Variants in GPR135 observed in about 807,000 individuals in gnomAD.
GPR135 encodes G protein-coupled receptor 135, also known as G-protein coupled receptor 135.
Under a neutral mutation model 15.0 loss-of-function variants are expected in GPR135, and 17 were observed. The observed-to-expected ratio is 1.13, with a 90% CI of 0.78 to 1.70. The LOEUF is 1.70. Among genes scored for constraint, GPR135 ranks in the 40% most tolerant of loss-of-function variants. The pLI is 0.00. For synonymous variants in GPR135, 368 were observed against 349.4 expected, an observed-to-expected ratio of 1.05 and a Z score of -0.59; for missense variants, 776 against 727.0, an observed-to-expected ratio of 1.07 and a Z score of -0.78.
downstream of GPR135, among the ~76,000 whole-genome samples, chr14:59,459,850 T>C (rs1472982732): frequency 6.6e-6 from 1 of 152,142 alleles, no homozygotes; most frequent in African/African-American, 2.4e-5. Context: ...AGGCTAAGGA[T>C]ACCAGGGAAC....
intron 6 of GPR135, among the ~76,000 whole-genome samples, chr14:59,455,435 C>T (rs974299376): frequency 1.3e-5 from 2 of 152,192 alleles, no homozygotes; most frequent in Non-Finnish European, 2.9e-5. Flanking sequence ...TCATATACAA[C>T]TGAAATGTTT....
At chr14:59,454,121 C>A (rs1888576488) in intron 6 of GPR135, among the ~76,000 whole-genome samples, 1 of 152,088 alleles carries the variant, frequency 6.6e-6, no homozygotes, top group South Asian at 2.1e-4. Flanking sequence ...AGTCAGTGGG[C>A]TAGGAAAGGC....
chr14:59,463,664 C>T lies in GPR135; in HGVS notation c.*78G>A, dbSNP rs1888952131. On this transcript the variant is annotated 3_prime_UTR_variant, in exon 1 of 1. Transcript: ENST00000395116. ...TAAATGTTTGGCTTTATGAAATCCA[C>T]AACTCTCCCCCAGAATCTTCCATCA... is the stretch of plus-strand genomic sequence containing the variant. The T allele has an allele frequency of 1.5e-6, 2 of 1,365,290 alleles. No homozygotes were observed. Among genetic ancestry groups the T allele is most frequent in the Middle Eastern group, 1.9e-4 (1 of 5,298 alleles). The allele number at this position is 1,365,290 out of a possible 1,614,324, so 84.6% of individuals were successfully genotyped here. A position where few individuals can be genotyped will look rare whatever the true frequency, so the allele number is the denominator to read the frequency against.
rs1888879300 is a variant in GPR135, at chr14:59,462,094, A to G, written c.*1648T>C. 1 of 152,252 alleles carries G rather than the reference A, an allele frequency of 6.6e-6. No homozygotes were observed. The highest frequency in any genetic ancestry group is 1.5e-5 in the Non-Finnish European group (1 of 68,036). 9.4% of individuals were successfully genotyped at this position (152,252 alleles called of 1,614,324 possible). On this transcript the variant is annotated 3_prime_UTR_variant, in exon 1 of 1. Transcript: ENST00000395116. ...ATATATTTCCACCTTTGATTACAAA[A>G]TAATGACATGTACCCACCTGTCAAA...
downstream of GPR135, among the ~76,000 whole-genome samples, chr14:59,457,781 T>C (rs1330417644): frequency 6.6e-6 from 1 of 152,252 alleles, no homozygotes; most frequent in African/African-American, 2.4e-5. Flanking sequence ...ATGTCTACTT[T>C]AAAGAGTTTG....
At chr14:59,456,841 A>T (rs1888671247), downstream of GPR135, among the ~76,000 whole-genome samples, 2 of 152,196 alleles carry the variant, frequency 1.3e-5, no homozygotes, top group Non-Finnish European at 2.9e-5. Flanking sequence ...TGAATATATC[A>T]TAGGGAACAA....
Position 59,464,090 on chromosome 14 carries a change from A to G in GPR135, c.1137T>C (p.Asn379=), listed in dbSNP as rs1177569358. 7 of 1,612,490 alleles carry G rather than the reference A, an allele frequency of 4.3e-6. No homozygotes were observed. The African/African-American group carries it at 9.3e-5, about 22-fold the overall frequency. The change falls in exon 1 of 1, where the codon AAT becomes AAC. Residue 379 remains asparagine, a synonymous_variant. Coordinates refer to ENST00000395116, the MANE Select transcript of GPR135 (RefSeq NM_022571.6). ...SVVAVWLTWA[N]GAINPVIYAI... ...CGTAGATGACAGGGTTGATGGCCCC[A>G]TTGGCCCAGGTCAGCCAGACGGCCA...
chr14:59,465,300 G>A lies in GPR135; in HGVS notation c.-74C>T, dbSNP rs1187101174. On this transcript the variant is annotated 5_prime_UTR_variant, in exon 1 of 1. Transcript: ENST00000395116. ...GGCCGCTAGGTCGGAGTGGTGGCTC[G>A]GGGCCGGGGGCTAGCGGCCGCCGCG... 2.7e-6 allele frequency: 3 copies of A among 1,115,714 alleles called. No homozygotes were observed. The highest frequency in any genetic ancestry group is 3.3e-5 in the African/African-American group (2 of 61,252). 69.1% of individuals were successfully genotyped at this position (1,115,714 alleles called of 1,614,324 possible).
chr14:59,454,757 A>G (rs1888598083), intron 6 of GPR135, among the ~76,000 whole-genome samples: 1 of 152,182 alleles, frequency 6.6e-6, no homozygotes, highest in Non-Finnish European at 1.5e-5. Flanking sequence ...CAGAATGACT[A>G]TCCTAAAGAC....
chr14:59,452,913 AT>A (rs1375038092), intron 6 of GPR135, among the ~76,000 whole-genome samples: 2 of 152,198 alleles, frequency 1.3e-5, no homozygotes, highest in East Asian at 1.9e-4. Flanking sequence ...GAAATGAGCT[AT>A]TTAGCCATGA....
Position 59,465,318 on chromosome 14 carries a change from C to T in GPR135, c.-92G>A, listed in dbSNP as rs1206927411. On this transcript the variant is annotated 5_prime_UTR_variant, in exon 1 of 1. Coordinates refer to ENST00000395116, the MANE Select transcript of GPR135 (RefSeq NM_022571.6). ...GTGGCTCGGGGCCGGGGGCTAGCGG[C>T]CGCCGCGGGGAGCTGGGCTCGGCCG... is the stretch of plus-strand genomic sequence containing the variant. 2 of 996,840 alleles carry T rather than the reference C, an allele frequency of 2.0e-6. No homozygotes were observed. The highest frequency in any genetic ancestry group is 2.6e-6 in the Non-Finnish European group (2 of 779,250). 61.7% of individuals were successfully genotyped at this position (996,840 alleles called of 1,614,324 possible). A position where few individuals can be genotyped will look rare whatever the true frequency, so the allele number is the denominator to read the frequency against.
rs1752429 is a variant in GPR135 at position 59,465,279 on chromosome 14, G to A, written c.-53C>T. ...TCATCCCGCACCGGGGGCGGCGGCCGCTAGGTCGGAGTGGTGGCTCGGGGC... is the reference window on the plus strand; with the variant it reads ...TCATCCCGCACCGGGGGCGGCGGCCACTAGGTCGGAGTGGTGGCTCGGGGC... On this transcript the variant is annotated 5_prime_UTR_variant, in exon 1 of 1. Coordinates refer to ENST00000395116, the MANE Select transcript of GPR135 (RefSeq NM_022571.6). The A allele has an allele frequency of 4.4e-3, 5,264 of 1,207,706 alleles. 179 individuals are homozygous for A. In the African/African-American group the frequency reaches 0.075, roughly 17 times the overall value. The allele number at this position is 1,207,706 out of a possible 1,614,324, so 74.8% of individuals were successfully genotyped here.
Position 59,464,909 on chromosome 14 carries a change from C to G in GPR135, c.318G>C (p.Gln106His), listed in dbSNP as rs1436135464. Residue 106 changes from glutamine (Q) to histidine (H), a missense_variant, in exon 1 of 1, where the codon CAG becomes CAC. Physicochemically the swap from Gln to His is conservative, Grantham distance 24. Coordinates refer to ENST00000395116, the MANE Select transcript of GPR135 (RefSeq NM_022571.6). The part of the protein sequence containing the change: ...LLSHGAAVAA[Q>H]ALVLLLIFLL... ...GGAAGATGAGCAGGAGGACGAGCGCCTGGGCCGCCACTGCAGCTCCGTGCG... is the reference window on the plus strand; with the variant it reads ...GGAAGATGAGCAGGAGGACGAGCGCGTGGGCCGCCACTGCAGCTCCGTGCG... The G allele has an allele frequency of 1.2e-6, 2 of 1,601,242 alleles. No individual in the cohort carries two copies. The highest frequency in any genetic ancestry group is 2.7e-5 in the African/African-American group (2 of 74,682).
rs1008525436 is a variant in GPR135 at position 59,464,014 on chromosome 14, C to G, written c.1213G>C (p.Gly405Arg). The G allele has an allele frequency of 1.2e-6, 2 of 1,614,006 alleles. No homozygotes were observed. Among genetic ancestry groups the G allele is most frequent in the Non-Finnish European group, 1.7e-6 (2 of 1,180,042 alleles). The change falls in exon 1 of 1, where the codon GGC becomes CGC. Residue 405 changes from glycine (G) to arginine (R), a missense_variant. Gly to Arg is a moderately radical substitution (Grantham distance 125). Coordinates refer to ENST00000395116, the MANE Select transcript of GPR135 (RefSeq NM_022571.6). ...SMLLGRNREE[G>R]YRTRNVDAFL... The stretch of plus-strand genomic sequence containing the variant: ...GCGTCCACATTCCTAGTCCGGTAGC[C>G]CTCCTCGCGGTTGCGCCCTAGGAGC...
In GPR135 at chr14:59,464,772, G is replaced by A. The variant is rs763543286; in HGVS notation, c.455C>T (p.Thr152Met). Residue 152 changes from threonine to methionine, a missense_variant, in exon 1 of 1, where the codon ACG becomes ATG. Transcript: ENST00000395116. The part of the protein sequence containing the change: ...ILSLSLSDLL[T>M]ALLCLPAAFL... ...GGCGGCGGGCAGGCAGAGCAGCGCCGTGAGCAGATCCGATAGGGACAGCGA... is the reference window on the plus strand; with the variant it reads ...GGCGGCGGGCAGGCAGAGCAGCGCCATGAGCAGATCCGATAGGGACAGCGA... 69 of 1,570,936 alleles carry A rather than the reference G, an allele frequency of 4.4e-5. 2 individuals are homozygous for A. The South Asian group carries it at 7.8e-4, about 18-fold the overall frequency.
intron 6 of GPR135, among the ~76,000 whole-genome samples, chr14:59,453,060 T>C (rs939627781): frequency 1.3e-5 from 2 of 152,166 alleles, no homozygotes; most frequent in African/African-American, 4.8e-5. Flanking sequence ...TAGCAGTGGT[T>C]TCAAGAGACT....
chr14:59,464,554 G>A lies in GPR135; in HGVS notation c.673C>T (p.Arg225Cys), dbSNP rs756571759. 36 of 1,563,422 alleles carry A rather than the reference G, an allele frequency of 2.3e-5. No homozygotes were observed. In the South Asian group the frequency reaches 4.0e-4, roughly 17 times the overall value. ...GCGCCCGCCAGCAGCTGCAGCGCGC[G>A]GCGGCGGCCGATCTTCTCCCGCGGC... is the stretch of plus-strand genomic sequence containing the variant. ...RPPREKIGRR[R>C]ALQLLAGAWL... The change falls in exon 1 of 1, where the codon CGC becomes TGC. Residue 225 changes from arginine (R) to cysteine (C), a missense_variant. Physicochemically the swap from Arg to Cys is radical, Grantham distance 180. Coordinates refer to ENST00000395116, the MANE Select transcript of GPR135 (RefSeq NM_022571.6).
At chr14:59,457,905 CTTG>C (rs1359459875), downstream of GPR135, among the ~76,000 whole-genome samples, 1 of 151,966 alleles carries the variant, frequency 6.6e-6, no homozygotes, top group Non-Finnish European at 1.5e-5. Flanking sequence ...ATTTATTGCT[CTTG>C]TTGTTGTAAA....
In GPR135 at chr14:59,464,842, C is replaced by A. The variant is rs1443538423; in HGVS notation, c.385G>T (p.Val129Leu). 1 of 1,600,994 alleles carries A rather than the reference C, an allele frequency of 6.2e-7. No homozygotes were observed. The highest frequency in any genetic ancestry group is 8.5e-7 in the Non-Finnish European group (1 of 1,174,128). ...ACGGTGCGGAGCTGCCGGTGCTTCA[C>A]AATCACCCCCATCACCGCGCAGTTG... ...LGNCAVMGVI[V>L]KHRQLRTVTN... Residue 129 changes from valine to leucine, a missense_variant, in exon 1 of 1, where the codon GTG (valine) becomes TTG (leucine). Val to Leu is a conservative substitution (Grantham distance 32). Coordinates refer to ENST00000395116, the MANE Select transcript of GPR135 (RefSeq NM_022571.6).
Sources: gnomAD v4.1 joint callset for allele counts (sites outside exome capture counted in the v4.1 genomes callset) on GRCh38, gnomAD v4.1.1 for gene constraint, MANE v1.5 for transcripts, NCBI Gene and HGNC (gene_info 2026-07-23, HGNC 2026-07-21) for gene names.